CTDSPL2: variants seen among roughly 807,000 people sequenced by gnomAD.
CTDSPL2 encodes the protein CTD small phosphatase-like protein 2.
A neutral mutation model predicts 60.0 loss-of-function variants in CTDSPL2; 5 were observed. The ratio of observed to expected loss-of-function variants is 0.08; its 90% confidence interval spans 0.04 to 0.18. CTDSPL2 has a LOEUF of 0.18. Among genes scored for constraint, CTDSPL2 ranks in the 10% least tolerant of loss-of-function variants. The pLI is 1.00. For synonymous variants in CTDSPL2, 186 were observed against 189.3 expected, an observed-to-expected ratio of 0.98 and a Z score of 0.14; for missense variants, 370 against 548.8, an observed-to-expected ratio of 0.67 and a Z score of 3.26.
At chr15:44,491,342 C>T (rs528308365) in intron 5 of CTDSPL2, among the ~76,000 whole-genome samples, 1 of 152,172 alleles carries the variant, frequency 6.6e-6, no homozygotes, top group South Asian at 2.1e-4. Flanking sequence ...TGTCTGAGGT[C>T]ACTAGCTAGA....
At chr15:44,516,780 G>C (rs577314936) in intron 10 of CTDSPL2, 1 of 152,184 alleles carries the variant, frequency 6.6e-6, no homozygotes, top group African/African-American at 2.4e-5. Flanking sequence ...CACACTTGAG[G>C]GTTTCCATTT....
intron 2 of CTDSPL2, among the ~76,000 whole-genome samples, chr15:44,465,189 A>G (rs928648387): frequency 6.6e-6 from 1 of 152,186 alleles, no homozygotes; most frequent in Non-Finnish European, 1.5e-5. Context: ...ATTATCAGCA[A>G]GATTATTCAG....
intron 2 of CTDSPL2, among the ~76,000 whole-genome samples, chr15:44,464,942 G>A (rs2080654029): frequency 6.6e-6 from 1 of 152,062 alleles, no homozygotes; most frequent in South Asian, 2.1e-4. Context: ...CTGACCTTAA[G>A]TGATCTGCCT....
At chr15:44,506,911 C>T (rs530794559) in intron 8 of CTDSPL2, among the ~76,000 whole-genome samples, 2 of 151,806 alleles carry the variant, frequency 1.3e-5, no homozygotes, top group African/African-American at 4.8e-5. Context: ...GGACTACAGG[C>T]GCCTGCCACT....
Position 44,525,275 on chromosome 15 carries a change from T to C in CTDSPL2, c.*1101T>C, listed in dbSNP as rs1229059982. 1 of 397,106 alleles carries C rather than the reference T, an allele frequency of 2.5e-6. No individual in the cohort carries two copies. Among genetic ancestry groups the C allele is most frequent in the African/African-American group, 2.1e-5 (1 of 48,624 alleles). The allele number at this position is 397,106 out of a possible 1,614,324, so 24.6% of individuals were successfully genotyped here. Reference sequence around the variant, plus strand: ...CTAACAGTAGCTATGCATAATCCTGTGGCACAGTACACTCCCAAGCCACCA... The same window carrying C: ...CTAACAGTAGCTATGCATAATCCTGCGGCACAGTACACTCCCAAGCCACCA... On this transcript the variant is annotated 3_prime_UTR_variant, in exon 13 of 13. Coordinates refer to ENST00000260327, the MANE Select transcript of CTDSPL2 (RefSeq NM_016396.3).
intron 1 of CTDSPL2, among the ~76,000 whole-genome samples, chr15:44,446,612 A>C (rs2080220055): frequency 6.6e-6 from 1 of 151,650 alleles, no homozygotes; most frequent in East Asian, 2.0e-4. Flanking sequence ...CCTGGGTGAC[A>C]GAGCAAGGCT....
chr15:44,428,324 AAAG>A (rs2079789491), intron 1 of CTDSPL2, among the ~76,000 whole-genome samples: 1 of 152,334 alleles, frequency 6.6e-6, no homozygotes, highest in East Asian at 1.9e-4. Context: ...GAGTGGTAGT[AAAG>A]AACAGTCCAT....
In CTDSPL2 at chr15:44,525,837, GTTTTC is replaced by G. The variant is rs1206260321; in HGVS notation, c.*1666_*1670del. On this transcript the variant is annotated 3_prime_UTR_variant, in exon 13 of 13. Transcript: ENST00000260327. ...ATTTTAACTTTTCATCAGGTTGAGT[GTTTTC>G]TTACTATATTATCTGTTGTGTATGT... The G allele has an allele frequency of 5.7e-6, 1 of 174,588 alleles. No homozygotes were observed. The highest frequency in any genetic ancestry group is 6.3e-5 in the Admixed American group (1 of 15,890). 10.8% of individuals were successfully genotyped at this position (174,588 alleles called of 1,614,324 possible).
At chr15:44,493,088 T>G (rs1368816876) in intron 5 of CTDSPL2, among the ~76,000 whole-genome samples, 1 of 152,220 alleles carries the variant, frequency 6.6e-6, no homozygotes, top group Non-Finnish European at 1.5e-5. Context: ...GAGCACCTTT[T>G]TTTTTTGTGA....
rs148371499 is a variant in CTDSPL2, at chr15:44,519,178, T to A, written c.1122T>A (p.Leu374=). Residue 374 remains leucine, a synonymous_variant, in exon 11 of 13, where the codon CTT becomes CTA. Coordinates refer to ENST00000260327, the MANE Select transcript of CTDSPL2 (RefSeq NM_016396.3). ...DPKKQLVRHR[L]FREHCVCVQG... is the part of the protein sequence containing the mutation. ...TTATTTTTATGTTTAGGCACCGGCT[T>A]TTCCGTGAACATTGTGTTTGTGTAC... The A allele has an allele frequency of 7.5e-4, 1,131 of 1,505,912 alleles. 4 individuals carry two copies. In the Middle Eastern group the frequency reaches 0.012, roughly 16 times the overall value. 93.3% of individuals were successfully genotyped at this position (1,505,912 alleles called of 1,614,324 possible).
intron 8 of CTDSPL2, among the ~76,000 whole-genome samples, chr15:44,509,792 G>A (rs2081534851): frequency 6.6e-6 from 1 of 151,866 alleles, no homozygotes; most frequent in Non-Finnish European, 1.5e-5. Context: ...CGGTTGTGGT[G>A]GCATGCGCCT....
Position 44,450,265 on chromosome 15 carries a change from T to G in CTDSPL2, c.-24-8726T>G, listed in dbSNP as rs976877784. ...TTAAAATTAGGAAACATTTAAATAT[T>G]AAAAATAAATTCTAATTTGGAAGAT... On this transcript the variant is annotated intron_variant, in intron 1 of 12. Coordinates refer to ENST00000260327, the MANE Select transcript of CTDSPL2 (RefSeq NM_016396.3). 3.3e-5 allele frequency among the ~76,000 whole-genome samples: 5 copies of G among 152,114 alleles called. No homozygotes were observed. The East Asian group carries it at 7.7e-4, about 23-fold the overall frequency.
rs774648346 is a variant in CTDSPL2, at chr15:44,524,656, T to C, written c.*482T>C. On this transcript the variant is annotated 3_prime_UTR_variant, in exon 13 of 13. Coordinates refer to ENST00000260327, the MANE Select transcript of CTDSPL2 (RefSeq NM_016396.3). Reference sequence around the variant, plus strand: ...TTCCTGTTAAGGTTTATAACCTTTTTACATTTTTGACCTGTATTAGATTAG... The same window carrying C: ...TTCCTGTTAAGGTTTATAACCTTTTCACATTTTTGACCTGTATTAGATTAG... 1 of 153,600 alleles carries C rather than the reference T, an allele frequency of 6.5e-6. No homozygotes were observed. Among genetic ancestry groups the C allele is most frequent in the Non-Finnish European group, 1.5e-5 (1 of 68,742 alleles). The allele number at this position is 153,600 out of a possible 1,614,324, so 9.5% of individuals were successfully genotyped here. A position where few individuals can be genotyped will look rare whatever the true frequency, so the allele number is the denominator to read the frequency against.
rs534234230 is a variant in CTDSPL2, at chr15:44,524,826, C to G, written c.*652C>G. ...TATATTTGTTTAAAAATATTCTCTA[C>G]TTTTAGTCTATGTAAGTTTCATTTA... On this transcript the variant is annotated 3_prime_UTR_variant, in exon 13 of 13. Transcript: ENST00000260327. The G allele has an allele frequency of 6.5e-6, 1 of 152,672 alleles. No individual in the cohort carries two copies. Among genetic ancestry groups the G allele is most frequent in the South Asian group, 2.1e-4 (1 of 4,820 alleles). 9.5% of individuals were successfully genotyped at this position (152,672 alleles called of 1,614,324 possible). A position where few individuals can be genotyped will look rare whatever the true frequency, so the allele number is the denominator to read the frequency against.
rs140170891 is a variant in CTDSPL2 at position 44,429,722 on chromosome 15, C to T, written c.-25+1950C>T. 2.1e-3 allele frequency among the ~76,000 whole-genome samples: 324 copies of T among 152,150 alleles called. 14 individuals are homozygous for T. The East Asian group carries it at 0.052, about 25-fold the overall frequency. ...CTCTACTAAAAATACAAAAATTAGC[C>T]GGGCATGGTGGTGCACACCTGTAGT... On this transcript the variant is annotated intron_variant, in intron 1 of 12. Coordinates refer to ENST00000260327, the MANE Select transcript of CTDSPL2 (RefSeq NM_016396.3).
rs1210342301 is a variant in CTDSPL2, at chr15:44,496,473, T to A, written c.770+15T>A. On this transcript the variant is annotated intron_variant, in intron 6 of 12. Transcript: ENST00000260327. Reference sequence around the variant, plus strand: ...GTATTTGACCCGTGAGTTGCTTTTTTCTCTTTTTTTCTTTCCTTTTTGGAG... The same window carrying A: ...GTATTTGACCCGTGAGTTGCTTTTTACTCTTTTTTTCTTTCCTTTTTGGAG... 6.3e-7 allele frequency: 1 copy of A among 1,598,764 alleles called. No individual in the cohort carries two copies. Among genetic ancestry groups the A allele is most frequent in the East Asian group, 2.2e-5 (1 of 44,798 alleles).
intron 1 of CTDSPL2, among the ~76,000 whole-genome samples, chr15:44,449,643 A>G (rs549859441): frequency 1.3e-5 from 2 of 152,010 alleles, no homozygotes; most frequent in Admixed American, 1.3e-4. Flanking sequence ...AGTTCAGTAT[A>G]AGGAAGTTTT....
Position 44,434,475 on chromosome 15 carries a change from C to T in CTDSPL2, c.-25+6703C>T, listed in dbSNP as rs540145771. On this transcript the variant is annotated intron_variant, in intron 1 of 12. Coordinates refer to ENST00000260327, the MANE Select transcript of CTDSPL2 (RefSeq NM_016396.3). ...ATGGCACAGTCACAGTTTACTGCAG[C>T]CTTCACCTCCTGGGCTCAAGCGATC... Among the ~76,000 whole-genome samples the T allele has an allele frequency of 6.6e-5, 10 of 152,318 alleles. No homozygotes were observed. In the East Asian group the frequency reaches 1.7e-3, roughly 26 times the overall value.
chr15:44,436,435 A>G (rs1224056524), intron 1 of CTDSPL2, among the ~76,000 whole-genome samples: 1 of 152,226 alleles, frequency 6.6e-6, no homozygotes, highest in Admixed American at 6.5e-5. Flanking sequence ...CTGATTAATT[A>G]ATGACTCATC....
Sources: gnomAD v4.1 joint callset for allele counts (sites outside exome capture counted in the v4.1 genomes callset) on GRCh38, gnomAD v4.1.1 for gene constraint, MANE v1.5 for transcripts, NCBI Gene and HGNC (gene_info 2026-07-23, HGNC 2026-07-21) for gene names.